Variants in SAMD15 observed in about 807,000 individuals in gnomAD.
SAMD15 encodes sterile alpha motif domain-containing protein 15.
In SAMD15, 37 loss-of-function variants were observed where a neutral mutation model predicts 50.5. The ratio of observed to expected loss-of-function variants is 0.73; its 90% CI spans 0.56 to 0.96. The LOEUF (loss-of-function observed/expected upper bound fraction) is 0.96. Ranked by LOEUF, SAMD15 falls within the 40% of genes least tolerant of loss-of-function variation. SAMD15 has a pLI of 0.00. For synonymous variants in SAMD15, 255 were observed against 282.8 expected, an observed-to-expected ratio of 0.90 and a Z score of 0.99; for missense variants, 789 against 783.8, an observed-to-expected ratio of 1.01 and a Z score of -0.08.
At chr14:77,390,041 GC>G (rs1375421817) in intron 2 of SAMD15, among the ~76,000 whole-genome samples, 1 of 151,714 alleles carries the variant, frequency 6.6e-6, no homozygotes, top group Non-Finnish European at 1.5e-5. Flanking sequence ...TGTTGCCCAG[GC>G]TGGAGTGCAA....
In SAMD15 at chr14:77,377,946, CAG is replaced by C; in HGVS notation, c.536_537del (p.Arg179LysfsTer10). 5.6e-6 allele frequency: 9 copies of C among 1,613,966 alleles called. No individual in the cohort carries two copies. The highest frequency in any genetic ancestry group is 7.6e-6 in the Non-Finnish European group (9 of 1,179,992). ...TMSEVSGATV[R>X]ERNLELLEEE... ...TGTCTGAGGTTTCGGGGGCCACAGT[CAG>C]AGAGAGAAATTTAGAATTACTAGAG... On this transcript the variant is annotated frameshift_variant, in exon 1 of 3. Transcript: ENST00000216471. LOFTEE classifies it high-confidence loss of function.
chr14:77,384,627 A>G (rs560210758), intron 2 of SAMD15, among the ~76,000 whole-genome samples: 2 of 152,030 alleles, frequency 1.3e-5, no homozygotes, highest in Non-Finnish European at 2.9e-5. Context: ...TGGCAATATA[A>G]GTTGCTTCGG....
chr14:77,390,665 G>A (rs1159883033), intron 2 of SAMD15, among the ~76,000 whole-genome samples: 8 of 152,126 alleles, frequency 5.3e-5, no homozygotes, highest in African/African-American at 1.9e-4. Context: ...CAAGGTGGGC[G>A]GATCACCTGA....
Position 77,380,493 on chromosome 14 carries a change from C to A in SAMD15, c.1788+12C>A. 1 of 1,572,886 alleles carries A rather than the reference C, an allele frequency of 6.4e-7. No homozygotes were observed. Among genetic ancestry groups the A allele is most frequent in the African/African-American group, 1.3e-5 (1 of 74,186 alleles). ...TTGAGGACATGAAGGTGAGTTGTGT[C>A]CAAAGTTTCCCTACAGAGCACTGTT... is the stretch of plus-strand genomic sequence containing the variant. On this transcript the variant is annotated intron_variant, in intron 2 of 2. Coordinates refer to ENST00000216471, the MANE Select transcript of SAMD15 (RefSeq NM_001010860.4).
At chr14:77,387,405 C>T (rs1406105699) in intron 2 of SAMD15, among the ~76,000 whole-genome samples, 1 of 152,076 alleles carries the variant, frequency 6.6e-6, no homozygotes, top group Non-Finnish European at 1.5e-5. Flanking sequence ...CACTGCACAC[C>T]AGCCTGATTG....
rs1894071431 is a variant in SAMD15, at chr14:77,391,401, T to C, written c.*157T>C. The C allele has an allele frequency of 3.8e-6, 2 of 532,466 alleles. No individual in the cohort carries two copies. The highest frequency in any genetic ancestry group is 2.8e-5 in the South Asian group (1 of 35,216). 33.0% of individuals were successfully genotyped at this position (532,466 alleles called of 1,614,324 possible). A position where few individuals can be genotyped will look rare whatever the true frequency, so the allele number is the denominator to read the frequency against. On this transcript the variant is annotated 3_prime_UTR_variant, in exon 3 of 3. Coordinates refer to ENST00000216471, the MANE Select transcript of SAMD15 (RefSeq NM_001010860.4). The stretch of plus-strand genomic sequence containing the variant: ...CAGGCTGGAGTGCAATGGCACAGTC[T>C]CAGCTCACTGCAACCTTGCGATTCT...
At chr14:77,384,001 A>C (rs1416569506) in intron 2 of SAMD15, among the ~76,000 whole-genome samples, 1 of 147,580 alleles carries the variant, frequency 6.8e-6, no homozygotes, top group Non-Finnish European at 1.5e-5. Context: ...AAAAAAAAAA[A>C]AACCTGATTA....
intron 2 of SAMD15, among the ~76,000 whole-genome samples, chr14:77,390,703 G>A (rs1385686782): frequency 1.5e-4 from 23 of 152,076 alleles, no homozygotes; most frequent in African/African-American, 1.7e-4. Flanking sequence ...CAGCCTGGCC[G>A]ACATGGTGAA....
intron 2 of SAMD15, among the ~76,000 whole-genome samples, chr14:77,382,693 T>C (rs950867601): frequency 3.3e-5 from 5 of 152,146 alleles, no homozygotes; most frequent in Admixed American, 1.3e-4. Flanking sequence ...ATAAACATTA[T>C]GATGTGGAAA....
intron 2 of SAMD15, among the ~76,000 whole-genome samples, chr14:77,390,546 G>A (rs1246285607): frequency 7.9e-5 from 12 of 152,162 alleles, no homozygotes; most frequent in African/African-American, 2.7e-4. Flanking sequence ...TTTTGGTAAG[G>A]TTAGGCTAGT....
At chr14:77,381,364 CACAA>C (rs1282632683) in intron 2 of SAMD15, among the ~76,000 whole-genome samples, 2 of 152,308 alleles carry the variant, frequency 1.3e-5, no homozygotes, top group African/African-American at 2.4e-5. Flanking sequence ...TACAAAGCAT[CACAA>C]ACAATCTCAC....
In SAMD15 at chr14:77,383,449, C is replaced by T. The variant is rs145862526; in HGVS notation, c.1788+2968C>T. Among the ~76,000 whole-genome samples, 1,066 of 152,254 alleles carry T rather than the reference C, an allele frequency of 7.0e-3. 19 individuals are homozygous for T. Among genetic ancestry groups the T allele is most frequent in the South Asian group, 0.037 (181 of 4,828 alleles). On this transcript the variant is annotated intron_variant, in intron 2 of 2. Coordinates refer to ENST00000216471, the MANE Select transcript of SAMD15 (RefSeq NM_001010860.4). ...TCTAATTATAGTTTTTCTTATCTTG[C>T]GAGACACAAGAGGTTTTAAAAATCT...
rs1893871089 is a variant in SAMD15, at chr14:77,377,980, A to G, written c.562A>G (p.Thr188Ala). 1.9e-6 allele frequency: 3 copies of G among 1,613,976 alleles called. No individual in the cohort carries two copies. Among genetic ancestry groups the G allele is most frequent in the East Asian group, 2.2e-5 (1 of 44,894 alleles). ...ERNLELLEEE[T>A]EPGVPEESLR... ...AAATTTAGAATTACTAGAGGAGGAGACTGAACCGGGGGTTCCAGAGGAATC... is the reference window on the plus strand; with the variant it reads ...AAATTTAGAATTACTAGAGGAGGAGGCTGAACCGGGGGTTCCAGAGGAATC... Residue 188 changes from threonine to alanine, a missense_variant, in exon 1 of 3, where the codon ACT (threonine) becomes GCT (alanine). By Grantham distance (58) the Thr-to-Ala change is moderately conservative. Coordinates refer to ENST00000216471, the MANE Select transcript of SAMD15 (RefSeq NM_001010860.4).
At chr14:77,381,160 A>G (rs942629954) in intron 2 of SAMD15, among the ~76,000 whole-genome samples, 3 of 152,104 alleles carry the variant, frequency 2.0e-5, no homozygotes, top group Non-Finnish European at 4.4e-5. Context: ...CCAAGTTCTC[A>G]TGACATTTTG....
intron 1 of SAMD15, among the ~76,000 whole-genome samples, 156 bp from the exon 2 acceptor site, chr14:77,380,227 A>C (rs1313388924): frequency 1.3e-5 from 2 of 152,214 alleles, no homozygotes; most frequent in Non-Finnish European, 2.9e-5. Flanking sequence ...CGCCTGGATG[A>C]CAGAGTGAGA....
chr14:77,380,334 CTTCT>C (rs777817985), intron 1 of SAMD15, 45 bp from the exon 2 acceptor site: 2 of 1,144,708 alleles, frequency 1.7e-6, no homozygotes, highest in Non-Finnish European at 2.7e-6. Context: ...CCCTTTCTTC[CTTCT>C]ATTTGCAGTA....
chr14:77,384,231 C>T (rs565366548), intron 2 of SAMD15, among the ~76,000 whole-genome samples: 6 of 152,166 alleles, frequency 3.9e-5, no homozygotes, highest in South Asian at 4.2e-4. Flanking sequence ...GAAGGAAGAG[C>T]GAGCAGATTG....
Position 77,377,473 on chromosome 14 carries a change from G to C in SAMD15, c.55G>C (p.Glu19Gln). Residue 19 changes from glutamate to glutamine, a missense_variant, in exon 1 of 3, where the codon GAG becomes CAG. Coordinates refer to ENST00000216471, the MANE Select transcript of SAMD15 (RefSeq NM_001010860.4). Reference protein sequence around the residue: ...DSGPDEDGELEPERPELPGLH... With the variant: ...DSGPDEDGELQPERPELPGLH... The stretch of plus-strand genomic sequence containing the variant: ...CGGCCCAGATGAAGATGGAGAGCTG[G>C]AGCCTGAGAGGCCTGAACTGCCTGG... The C allele has an allele frequency of 6.2e-7, 1 of 1,614,066 alleles. No individual in the cohort carries two copies. The highest frequency in any genetic ancestry group is 8.5e-7 in the Non-Finnish European group (1 of 1,179,996).
intron 2 of SAMD15, among the ~76,000 whole-genome samples, chr14:77,388,063 G>A (rs114073646): frequency 0.026 from 3,913 of 152,200 alleles, 178 homozygotes; most frequent in African/African-American, 0.09. Flanking sequence ...AAATACACAC[G>A]AATGTGTAGG....
Sources: allele counts gnomAD v4.1 joint callset (sites outside exome capture counted in the v4.1 genomes callset), GRCh38; gene constraint gnomAD v4.1.1; transcripts MANE v1.5; gene names NCBI Gene and HGNC (gene_info 2026-07-23, HGNC 2026-07-21).